Variants in ARHGAP32 observed in about 807,000 individuals in gnomAD.
The protein encoded by ARHGAP32 is rho GTPase-activating protein 32.
ARHGAP32 carries 51 observed loss-of-function variants against 186.5 expected under a neutral mutation model. The ratio of observed to expected loss-of-function variants is 0.27; its 90% confidence interval spans 0.22 to 0.35. ARHGAP32 has a LOEUF of 0.35. Among genes scored for constraint, ARHGAP32 ranks in the 10% least tolerant of loss-of-function variants. The pLI, the probability that ARHGAP32 is intolerant of heterozygous loss-of-function variation, is 1.00. For missense variants in ARHGAP32, 2,186 were observed against 2,623.5 expected (o/e 0.83, Z 3.64); for synonymous variants, 950 against 964.3 (o/e 0.99, Z 0.27).
chr11:129,160,930 C>T (rs1221343396), intron 2 of ARHGAP32, among the ~76,000 whole-genome samples: 2 of 152,184 alleles, frequency 1.3e-5, no homozygotes, highest in Admixed American at 6.5e-5. Flanking sequence ...GTAACCAAAA[C>T]AGCATGGTAC....
intron 20 of ARHGAP32, 30 bp downstream of exon 20, chr11:128,976,533 G>C (rs1591490181): frequency 6.4e-7 from 1 of 1,562,996 alleles, no homozygotes; most frequent in Admixed American, 1.7e-5. Flanking sequence ...ATATATTATA[G>C]AATAAAATGA....
intron 22 of ARHGAP32, 166 bp downstream of exon 22, chr11:128,972,287 G>A (rs1399330496): frequency 1.6e-6 from 1 of 640,298 alleles, no homozygotes; most frequent in Non-Finnish European, 2.4e-6. Flanking sequence ...CAGCATCAAG[G>A]TAATGGCAGA....
intron 1 of ARHGAP32, among the ~76,000 whole-genome samples, chr11:129,212,910 T>C (rs1944598537): frequency 6.7e-6 from 1 of 149,748 alleles, no homozygotes; most frequent in African/African-American, 2.5e-5. Context: ...TTAATGTAGG[T>C]GCAAAAAAAA....
chr11:129,013,279 G>T (rs1938175276), intron 11 of ARHGAP32, among the ~76,000 whole-genome samples: 1 of 152,164 alleles, frequency 6.6e-6, no homozygotes, highest in South Asian at 2.1e-4. Flanking sequence ...ACTCTGAATG[G>T]CCACTTTGCA....
intron 5 of ARHGAP32, among the ~76,000 whole-genome samples, chr11:129,097,909 T>C (rs938437085): frequency 2.0e-5 from 3 of 152,134 alleles, no homozygotes; most frequent in Non-Finnish European, 4.4e-5. Flanking sequence ...GGAGGCAATC[T>C]TGAAAGAATC....
At chr11:129,133,756 C>CT (rs765144490) in intron 2 of ARHGAP32, among the ~76,000 whole-genome samples, 16 of 152,196 alleles carry the variant, frequency 1.1e-4, no homozygotes, top group Non-Finnish European at 2.1e-4. Context: ...AAAAGAAATG[C>CT]TAAAAGAAGC....
chr11:128,977,687 T>A (rs1945586053), intron 19 of ARHGAP32, among the ~76,000 whole-genome samples: 1 of 152,048 alleles, frequency 6.6e-6, no homozygotes, highest in South Asian at 2.1e-4. Context: ...ATTTCTTTTA[T>A]TTTTTAAGAG....
At chr11:129,126,037 C>T in intron 2 of ARHGAP32, 1 of 439,668 alleles carries the variant, frequency 2.3e-6, no homozygotes, top group Non-Finnish European at 4.5e-6. Context: ...AACAAAGTTA[C>T]TTCATAATCC....
intron 6 of ARHGAP32, among the ~76,000 whole-genome samples, chr11:129,067,583 C>G (rs12293946): frequency 0.022 from 3,312 of 152,150 alleles, 64 homozygotes; most frequent in African/African-American, 0.049. Context: ...CCCTGCACCC[C>G]CAACTACAAA....
rs1183962372 is a variant in ARHGAP32 at position 128,969,000 on chromosome 11, C to T, written c.6213G>A (p.Gln2071=). 2 of 1,609,948 alleles carry T rather than the reference C, an allele frequency of 1.2e-6. No individual in the cohort carries two copies. Among genetic ancestry groups the T allele is most frequent in the East Asian group, 2.2e-5 (1 of 44,766 alleles). ...CCAACGCTGTAGCATAGGTCCTGCTCTGTGGATGGGGAAAGCCAGGGGGCA... is the reference window on the plus strand; with the variant it reads ...CCAACGCTGTAGCATAGGTCCTGCTTTGTGGATGGGGAAAGCCAGGGGGCA... ...TYVPPGFPHP[Q]SRTYATALGQ... The change falls in exon 23 of 23, where the codon CAG becomes CAA. Residue 2071 remains glutamine, a synonymous_variant. Coordinates refer to ENST00000682385, the MANE Select transcript of ARHGAP32 (RefSeq NM_001378024.1).
At chr11:128,992,023 A>T (rs775245544) in intron 12 of ARHGAP32, among the ~76,000 whole-genome samples, 1 of 152,178 alleles carries the variant, frequency 6.6e-6, no homozygotes, top group Non-Finnish European at 1.5e-5. Context: ...GCTGAGTTCC[A>T]GTTTCAGGGA....
At chr11:129,041,042 C>G in intron 10 of ARHGAP32, 33 bp from the exon 11 acceptor site, 1 of 1,477,790 alleles carries the variant, frequency 6.8e-7, no homozygotes, top group Non-Finnish European at 9.3e-7. Flanking sequence ...GGATTCTAAA[C>G]CAGCAAACAG....
intron 5 of ARHGAP32, among the ~76,000 whole-genome samples, chr11:129,114,670 A>G (rs1190424826): frequency 6.6e-6 from 1 of 152,142 alleles, no homozygotes; most frequent in Non-Finnish European, 1.5e-5. Context: ...CAACTCAGTG[A>G]TTTAAATAAT....
At chr11:129,038,889 A>G (rs1431883569) in intron 11 of ARHGAP32, among the ~76,000 whole-genome samples, 1 of 14,532 alleles carries the variant, frequency 6.9e-5, no homozygotes. Context: ...CCCTGTCTCG[A>G]AAAAAAAAAA....
intron 22 of ARHGAP32, 33 bp downstream of exon 22, chr11:128,972,420 T>A (rs1018709631): frequency 2.1e-5 from 31 of 1,504,990 alleles, no homozygotes; most frequent in Non-Finnish European, 2.8e-5. Context: ...GGTAATAGTA[T>A]ATTTCATCTC....
chr11:129,187,902 T>C (rs1324118707), intron 1 of ARHGAP32, among the ~76,000 whole-genome samples: 1 of 152,052 alleles, frequency 6.6e-6, no homozygotes, highest in Admixed American at 6.6e-5. Context: ...TTTATGGACA[T>C]ACAGTTAATT....
chr11:129,081,825 A>G (rs1442627636), intron 6 of ARHGAP32, among the ~76,000 whole-genome samples: 3 of 152,078 alleles, frequency 2.0e-5, no homozygotes, highest in African/African-American at 7.2e-5. Flanking sequence ...CTGTTCACCA[A>G]TGATATGATT....
chr11:128,980,689 A>G lies in ARHGAP32; in HGVS notation c.1840T>C (p.Leu614=), dbSNP rs1945682914. Residue 614 remains leucine (L), a synonymous_variant, in exon 18 of 23, where the codon TTG becomes CTG. Coordinates refer to ENST00000682385, the MANE Select transcript of ARHGAP32 (RefSeq NM_001378024.1). ...VSSPSTKLLT[L]EEAQARTQAQ... Reference sequence around the variant, plus strand: ...TGTGTTCGTGCCTGGGCCTCTTCCAATGTCAGCAGTTTGGTGGATGGAGAG... The same window carrying G: ...TGTGTTCGTGCCTGGGCCTCTTCCAGTGTCAGCAGTTTGGTGGATGGAGAG... 3 of 1,613,792 alleles carry G rather than the reference A, an allele frequency of 1.9e-6. No homozygotes were observed. The highest frequency in any genetic ancestry group is 2.5e-6 in the Non-Finnish European group (3 of 1,179,848).
chr11:129,012,021 A>G (rs1432607955), intron 11 of ARHGAP32, among the ~76,000 whole-genome samples: 2 of 152,348 alleles, frequency 1.3e-5, no homozygotes, highest in South Asian at 2.1e-4. Context: ...AAGGGTAAGA[A>G]TAGGATGTGA....
Sources: allele counts gnomAD v4.1 joint callset (sites outside exome capture counted in the v4.1 genomes callset), GRCh38; gene constraint gnomAD v4.1.1; transcripts MANE v1.5; gene names NCBI Gene and HGNC (gene_info 2026-07-23, HGNC 2026-07-21).